CDH8: variants seen among roughly 807,000 people sequenced by gnomAD.
The protein encoded by CDH8 is cadherin 8, also known as cadherin-8.
Under a neutral mutation model 68.1 loss-of-function variants are expected in CDH8, and 17 were observed. The observed-to-expected ratio is 0.25, with a 90% CI of 0.17 to 0.37. CDH8 has a LOEUF of 0.37. Among genes scored for constraint, CDH8 ranks in the 10% least tolerant of loss-of-function variants. CDH8 has a pLI of 1.00. For missense variants in CDH8, 763 were observed against 999.3 expected, an observed-to-expected ratio of 0.76 and a Z score of 3.19; for synonymous variants, 372 against 365.1, an observed-to-expected ratio of 1.02 and a Z score of -0.21.
intron 10 of CDH8, among the ~76,000 whole-genome samples, chr16:61,703,306 C>T (rs781635033): frequency 1.3e-5 from 2 of 152,070 alleles, no homozygotes; most frequent in African/African-American, 4.8e-5. Context: ...TTCTTCCCTA[C>T]CTACTCAACA....
chr16:61,960,037 CA>C (rs1178756199), intron 2 of CDH8, among the ~76,000 whole-genome samples: 2 of 87,874 alleles, frequency 2.3e-5, no homozygotes, highest in South Asian at 6.7e-4. Flanking sequence ...CACACACACA[CA>C]ACATATATGT....
At chr16:61,790,051 T>G (rs187794804) in intron 7 of CDH8, among the ~76,000 whole-genome samples, 1 of 152,190 alleles carries the variant, frequency 6.6e-6, no homozygotes, top group African/African-American at 2.4e-5. Flanking sequence ...AATTGGATAG[T>G]TGTTGATTTT....
At chr16:61,807,123 CATGGAAT>C (rs1194985754) in intron 7 of CDH8, among the ~76,000 whole-genome samples, 1 of 148,088 alleles carries the variant, frequency 6.8e-6, no homozygotes, top group African/African-American at 2.5e-5. Context: ...ACATATACAC[CATGGAAT>C]ACTATGCAGC....
chr16:61,975,970 G>C (rs1398346539), intron 2 of CDH8, among the ~76,000 whole-genome samples: 1 of 152,122 alleles, frequency 6.6e-6, no homozygotes, highest in Admixed American at 6.5e-5. Context: ...TGAGAAATTT[G>C]AAATGTGAGT....
chr16:61,916,257 T>C (rs1447943240), intron 2 of CDH8, among the ~76,000 whole-genome samples: 1 of 152,206 alleles, frequency 6.6e-6, no homozygotes, highest in Non-Finnish European at 1.5e-5. Flanking sequence ...CTCATGCCTG[T>C]AATCCCAGCA....
chr16:61,836,136 A>T (rs1375506254), intron 4 of CDH8, among the ~76,000 whole-genome samples: 1 of 151,962 alleles, frequency 6.6e-6, no homozygotes, highest in East Asian at 1.9e-4. Context: ...AAAGGCCTAG[A>T]TATCAATCAG....
chr16:61,898,713 T>C (rs955322171), intron 3 of CDH8, among the ~76,000 whole-genome samples: 9 of 152,118 alleles, frequency 5.9e-5, no homozygotes, highest in African/African-American at 2.2e-4. Context: ...AGATGATGCA[T>C]TAAGATTACA....
At chr16:61,670,182 A>G (rs1488562764) in intron 10 of CDH8, among the ~76,000 whole-genome samples, 1 of 152,010 alleles carries the variant, frequency 6.6e-6, no homozygotes, top group Admixed American at 6.6e-5. Context: ...TTCCTTACAA[A>G]TGTAGAAAAG....
intron 2 of CDH8, among the ~76,000 whole-genome samples, chr16:61,961,471 C>T (rs978554579): frequency 1.3e-5 from 2 of 152,168 alleles, no homozygotes; most frequent in Admixed American, 1.3e-4. Flanking sequence ...TTTTCTGTCT[C>T]CCACACTGTG....
At chr16:61,889,399 C>T (rs1215180719) in intron 3 of CDH8, among the ~76,000 whole-genome samples, 1 of 151,982 alleles carries the variant, frequency 6.6e-6, no homozygotes, top group Non-Finnish European at 1.5e-5. Flanking sequence ...ACATGAATGT[C>T]AAAGTTAAAG....
intron 10 of CDH8, 126 bp from the exon 11 acceptor site, chr16:61,655,847 G>T (rs1963434697): frequency 2.2e-5 from 17 of 783,648 alleles, no homozygotes; most frequent in Non-Finnish European, 2.4e-5. Flanking sequence ...GGACTGCTCA[G>T]GCTTTTTCCC....
chr16:61,826,650 T>A (rs1771864539), intron 4 of CDH8, among the ~76,000 whole-genome samples: 1 of 151,772 alleles, frequency 6.6e-6, no homozygotes, highest in Admixed American at 6.6e-5. Flanking sequence ...TTTTTTTTTT[T>A]TAATTCATAT....
chr16:61,780,534 T>C (rs1184362649), intron 8 of CDH8, among the ~76,000 whole-genome samples: 2 of 152,248 alleles, frequency 1.3e-5, no homozygotes, highest in East Asian at 3.8e-4. Context: ...TCTGATGAGA[T>C]AGCATTCTGA....
intron 9 of CDH8, among the ~76,000 whole-genome samples, chr16:61,717,291 A>G (rs574247609): frequency 6.6e-6 from 1 of 151,740 alleles, no homozygotes; most frequent in South Asian, 2.1e-4. Flanking sequence ...CATATCTGGG[A>G]TGTTGGGATA....
At position 61,960,170 on chromosome 16, in the gene CDH8, T is replaced by C. The variant is rs111896405; in HGVS notation, c.253-58697A>G. Among the ~76,000 whole-genome samples, 31 of 88,974 alleles carry C rather than the reference T, an allele frequency of 3.5e-4. 1 individual carries two copies. The highest frequency in any genetic ancestry group is 5.0e-4 in the Non-Finnish European group (23 of 45,850). 58.4% of individuals were successfully genotyped at this position (88,974 alleles called of 152,430 possible). ...ATACATATGTGTGTGTGTATACACA[T>C]ACATATATACATATGTGTGTGTATA... On this transcript the variant is annotated intron_variant, in intron 2 of 11. Coordinates refer to ENST00000577390, the MANE Select transcript of CDH8 (RefSeq NM_001796.5).
intron 3 of CDH8, among the ~76,000 whole-genome samples, chr16:61,888,246 GC>G (rs1567515339): frequency 6.6e-6 from 1 of 152,140 alleles, no homozygotes; most frequent in Non-Finnish European, 1.5e-5. Flanking sequence ...CAGTTCTCCT[GC>G]AGACTACTCA....
At chr16:61,705,600 A>G (rs958642133) in intron 10 of CDH8, among the ~76,000 whole-genome samples, 1 of 152,182 alleles carries the variant, frequency 6.6e-6, no homozygotes, top group African/African-American at 2.4e-5. Context: ...TGAAACTCAG[A>G]GGGAGAATTA....
At chr16:61,845,302 G>A (rs1005451999) in intron 4 of CDH8, among the ~76,000 whole-genome samples, 3 of 151,638 alleles carry the variant, frequency 2.0e-5, no homozygotes, top group Non-Finnish European at 2.9e-5. Context: ...GTCCATAAAC[G>A]GCACAATTAG....
At chr16:61,760,392 A>T (rs1310894108) in intron 8 of CDH8, among the ~76,000 whole-genome samples, 2 of 151,492 alleles carry the variant, frequency 1.3e-5, no homozygotes, top group Non-Finnish European at 2.9e-5. Context: ...GGTCACTGCA[A>T]CCTCTGTCTC....
Sources: allele counts gnomAD v4.1 joint callset (sites outside exome capture counted in the v4.1 genomes callset), GRCh38; gene constraint gnomAD v4.1.1; transcripts MANE v1.5; gene names NCBI Gene and HGNC (gene_info 2026-07-23, HGNC 2026-07-21).